The following EPAS1 variants were observed in gnomAD, a reference collection of about 807,000 sequenced individuals.
The protein encoded by EPAS1 is endothelial PAS domain-containing protein 1.
A neutral mutation model predicts 87.9 loss-of-function variants in EPAS1; 23 were observed. That is an observed-to-expected ratio of 0.26 (90% confidence interval 0.19 to 0.37). The LOEUF (loss-of-function observed/expected upper bound fraction) is 0.37. Ranked by LOEUF, EPAS1 falls within the 10% of genes least tolerant of loss-of-function variation. EPAS1 has a pLI of 1.00. For missense variants in EPAS1, 1,138 were observed against 1,120.7 expected, an observed-to-expected ratio of 1.02 and a Z score of -0.22; for synonymous variants, 508 against 444.3, an observed-to-expected ratio of 1.14 and a Z score of -1.80.
chr2:46,369,699 A>G (rs1684584552), intron 6 of EPAS1, 128 bp from the exon 7 acceptor site: 1 of 721,854 alleles, frequency 1.4e-6, no homozygotes, highest in Non-Finnish European at 2.5e-6. Context: ...TGGTACAACA[A>G]GAAAGTCTGG....
rs1427607619 is a variant in EPAS1 at position 46,377,971 on chromosome 2, A to AGGAGCCACAGCACCC, written c.1328_1342dup (p.Arg443_Thr447dup). The AGGAGCCACAGCACCC allele has an allele frequency of 1.3e-6, 2 of 1,570,594 alleles. No homozygotes were observed. The highest frequency in any genetic ancestry group is 1.7e-6 in the Non-Finnish European group (2 of 1,157,422). ...GAGCCAGCCATGGGCCACGGAGTTG[A>AGGAGCCACAGCACCC]GGAGCCACAGCACCCAGAGCGAGGC... On this transcript the variant is annotated inframe_insertion, in exon 10 of 16. Coordinates refer to ENST00000263734, the MANE Select transcript of EPAS1 (RefSeq NM_001430.5).
chr2:46,310,356 C>T (rs1476290337), intron 1 of EPAS1, among the ~76,000 whole-genome samples: 4 of 152,192 alleles, frequency 2.6e-5, no homozygotes, highest in Non-Finnish European at 4.4e-5. Context: ...GGAAAGAGAA[C>T]AGTCCCTTCA....
chr2:46,305,523 A>G (rs1025629984), intron 1 of EPAS1, among the ~76,000 whole-genome samples: 1 of 152,152 alleles, frequency 6.6e-6, no homozygotes, highest in African/African-American at 2.4e-5. Flanking sequence ...CATGCCAGAT[A>G]ATGATCCTGT....
At chr2:46,317,497 C>T (rs1466859698) in intron 1 of EPAS1, among the ~76,000 whole-genome samples, 1 of 152,184 alleles carries the variant, frequency 6.6e-6, no homozygotes, top group Non-Finnish European at 1.5e-5. Context: ...TATGTGCTGT[C>T]ATCCAGGTTT....
rs769574736 is a variant in EPAS1, at chr2:46,380,313, C to A, written c.1641C>A (p.Pro547=). The change falls in exon 12 of 16, where the codon CCC becomes CCA. Residue 547 remains proline (P), a synonymous_variant. Coordinates refer to ENST00000263734, the MANE Select transcript of EPAS1 (RefSeq NM_001430.5). This position sits in a 1 kb window ranked among gnomAD's most constrained non-coding sequence, Gnocchi z 4.4. ...GEDFQLSPIC[P]EERLLAENPQ... ...ACTTCCAGCTAAGCCCCATCTGCCC[C>A]GAGGAGCGGCTCTTGGCGGAGAACC... 6.2e-7 allele frequency: 1 copy of A among 1,614,086 alleles called. No individual in the cohort carries two copies. The highest frequency in any genetic ancestry group is 8.5e-7 in the Non-Finnish European group (1 of 1,179,994).
At chr2:46,379,997 G>C in intron 11 of EPAS1, 1 of 656,172 alleles carries the variant, frequency 1.5e-6, no homozygotes, top group Non-Finnish European at 2.7e-6. Context: ...CAATGTGCAG[G>C]GTGAAGAGGG....
Position 46,380,801 on chromosome 2 carries a change from C to A in EPAS1, c.2045+84C>A. 1 of 1,594,234 alleles carries A rather than the reference C, an allele frequency of 6.3e-7. No individual in the cohort carries two copies. The highest frequency in any genetic ancestry group is 8.5e-7 in the Non-Finnish European group (1 of 1,177,282). On this transcript the variant is annotated intron_variant, in intron 12 of 15. Coordinates refer to ENST00000263734, the MANE Select transcript of EPAS1 (RefSeq NM_001430.5). The surrounding 1 kb of genome is among the most constrained non-coding windows in gnomAD (Gnocchi z 4.4). ...AGATAGCTGGACCCCCAGGGAGGCCCCTGCCCCTCTCCCCAGCCATCTGAT... is the reference window on the plus strand; with the variant it reads ...AGATAGCTGGACCCCCAGGGAGGCCACTGCCCCTCTCCCCAGCCATCTGAT...
intron 1 of EPAS1, among the ~76,000 whole-genome samples, chr2:46,309,985 A>G (rs1394356451): frequency 6.6e-6 from 1 of 152,240 alleles, no homozygotes; most frequent in Non-Finnish European, 1.5e-5. Flanking sequence ...TTTGTCTTCT[A>G]TAATATTGAC....
chr2:46,325,723 G>C (rs935518995), intron 1 of EPAS1, among the ~76,000 whole-genome samples: 1 of 152,108 alleles, frequency 6.6e-6, no homozygotes, highest in African/African-American at 2.4e-5. Context: ...TCACTTCCAG[G>C]GTGTTTTATA....
intron 15 of EPAS1, among the ~76,000 whole-genome samples, chr2:46,384,073 C>T (rs1684957622): frequency 6.6e-6 from 1 of 152,220 alleles, no homozygotes; most frequent in Admixed American, 6.5e-5. Context: ...GAAAGGACTG[C>T]TGAGGGTGGT....
chr2:46,336,642 A>G (rs1683799172), intron 1 of EPAS1, among the ~76,000 whole-genome samples: 1 of 152,250 alleles, frequency 6.6e-6, no homozygotes, highest in African/African-American at 2.4e-5. Flanking sequence ...TACGTGCCTC[A>G]GATTAGGATG....
intron 1 of EPAS1, among the ~76,000 whole-genome samples, chr2:46,344,872 C>T (rs576607540): frequency 6.6e-6 from 1 of 152,344 alleles, no homozygotes; most frequent in South Asian, 2.1e-4. Flanking sequence ...ATGCTTAATC[C>T]ATCCACGGAG....
At chr2:46,334,263 G>A (rs930289785) in intron 1 of EPAS1, among the ~76,000 whole-genome samples, 2 of 152,152 alleles carry the variant, frequency 1.3e-5, no homozygotes, top group Non-Finnish European at 1.5e-5. Flanking sequence ...AATTATCCGG[G>A]CATCTGACTT....
chr2:46,348,047 T>C (rs959090193), intron 2 of EPAS1, among the ~76,000 whole-genome samples: 9 of 152,174 alleles, frequency 5.9e-5, no homozygotes, highest in African/African-American at 7.2e-5. Context: ...CATCCTGTTA[T>C]GAAGTGGCTA....
chr2:46,363,555 GA>G (rs1684445914), intron 6 of EPAS1, among the ~76,000 whole-genome samples: 1 of 152,210 alleles, frequency 6.6e-6, no homozygotes, highest in African/African-American at 2.4e-5. Context: ...GACAAAAGAA[GA>G]GGGGGAGAAA....
rs990196084 is a variant in EPAS1 at position 46,382,083 on chromosome 2, C to G, written c.2281C>G (p.Pro761Ala). 4 of 1,613,828 alleles carry G rather than the reference C, an allele frequency of 2.5e-6. No individual in the cohort carries two copies. The highest frequency in any genetic ancestry group is 3.4e-6 in the Non-Finnish European group (4 of 1,179,950). Reference sequence around the variant, plus strand: ...GGACAAGCCACTGAGCGCAAATGTACCCAATGGTGAGCAGCGGCCACAGGC... The same window carrying G: ...GGACAAGCCACTGAGCGCAAATGTAGCCAATGGTGAGCAGCGGCCACAGGC... ...MPDKPLSANV[P>A]NDKFTQNPMR... The change falls in exon 14 of 16, where the codon CCC (proline) becomes GCC (alanine). Residue 761 changes from proline (P) to alanine (A), a missense_variant. Pro to Ala is a conservative substitution (Grantham distance 27). Around this residue, in one of 4 missense-constraint regions of EPAS1, gnomAD observed 502 missense variants for 427.1 expected, o/e 1.18. Transcript: ENST00000263734.
chr2:46,330,007 C>G (rs1683643049), intron 1 of EPAS1, among the ~76,000 whole-genome samples: 1 of 152,222 alleles, frequency 6.6e-6, no homozygotes, highest in Non-Finnish European at 1.5e-5. Flanking sequence ...TGACTTAAAT[C>G]CAACTAAGAA....
At chr2:46,368,667 C>T (rs78271866) in intron 6 of EPAS1, among the ~76,000 whole-genome samples, 5,239 of 152,126 alleles carry the variant, frequency 0.034, 315 homozygotes, top group African/African-American at 0.12. Context: ...CTTTCCTCTC[C>T]GTGTTATTGA....
At chr2:46,308,460 T>TTGGG (rs541300033) in intron 1 of EPAS1, among the ~76,000 whole-genome samples, 31 of 109,226 alleles carry the variant, frequency 2.8e-4, no homozygotes, top group African/African-American at 8.5e-4. Flanking sequence ...TGCTTTTTTT[T>TTGGG]GGGGGGGGGG....
Sources: allele counts gnomAD v4.1 joint callset (sites outside exome capture counted in the v4.1 genomes callset), GRCh38; gene constraint gnomAD v4.1.1; regional missense constraint gnomAD v4.1.1; non-coding constraint Gnocchi (gnomAD v3.1); transcripts MANE v1.5; gene names NCBI Gene and HGNC (gene_info 2026-07-23, HGNC 2026-07-21).